The following ITK variants were observed in gnomAD, a reference collection of about 807,000 sequenced individuals.
ITK encodes the protein tyrosine-protein kinase ITK/TSK.
Under a neutral mutation model 87.6 loss-of-function variants are expected in ITK, and 45 were observed. The observed-to-expected ratio is 0.51, with a 90% CI of 0.40 to 0.66. The LOEUF (loss-of-function observed/expected upper bound fraction) is 0.66. Among genes scored for constraint, ITK ranks in the 30% least tolerant of loss-of-function variants. The pLI, the probability that ITK is intolerant of heterozygous loss-of-function variation, is 0.00. For missense variants in ITK, 605 were observed against 766.3 expected, an observed-to-expected ratio of 0.79 and a Z score of 2.48; for synonymous variants, 303 against 273.6, an observed-to-expected ratio of 1.11 and a Z score of -1.06.
chr5:157,228,447 TA>T, intron 7 of ITK, 86 bp downstream of exon 7: 1 of 804,404 alleles, frequency 1.2e-6, no homozygotes, highest in Non-Finnish European at 2.2e-6. Context: ...ACTGTAAAAA[TA>T]CCAGATGATC....
At chr5:157,245,659 C>T in intron 13 of ITK, 67 bp from the exon 14 acceptor site, 3 of 1,234,222 alleles carry the variant, frequency 2.4e-6, no homozygotes, top group Non-Finnish European at 3.6e-6. Flanking sequence ...TTATAGGAGA[C>T]TCCTTAACTA....
chr5:157,200,083 G>GA lies in ITK; in HGVS notation c.139-8805dup, dbSNP rs542877314. On this transcript the variant is annotated intron_variant, in intron 1 of 16. Transcript: ENST00000422843. ...AGAAAAAGAAAAAGAAGGAAAGAAA[G>GA]AGAGAAAGGAAAGAAGAAAGGAAAG... Among the ~76,000 whole-genome samples, 744 of 98,570 alleles carry GA rather than the reference G, an allele frequency of 7.5e-3. 12 individuals are homozygous for GA. The highest frequency in any genetic ancestry group is 0.032 in the African/African-American group (718 of 22,582). The allele number at this position is 98,570 out of a possible 152,430, so 64.7% of individuals were successfully genotyped here.
At chr5:157,216,062 T>G (rs1754292706) in intron 4 of ITK, among the ~76,000 whole-genome samples, 1 of 152,146 alleles carries the variant, frequency 6.6e-6, no homozygotes, top group Non-Finnish European at 1.5e-5. Context: ...GTGCTAATGG[T>G]TTTGCTTTTG....
rs150197870 is a variant in ITK at position 157,232,488 on chromosome 5, G to A, written c.768+94G>A. The stretch of plus-strand genomic sequence containing the variant: ...TCCCAGCGATTTGGCAGGCCAAGGT[G>A]GGAGGATCACTTGAGCCCAGGAGTT... On this transcript the variant is annotated intron_variant, in intron 8 of 16. Coordinates refer to ENST00000422843, the MANE Select transcript of ITK (RefSeq NM_005546.4). 2.3e-3 allele frequency: 1,990 copies of A among 861,622 alleles called. 22 individuals are homozygous for A. Among genetic ancestry groups the A allele is most frequent in the South Asian group, 0.015 (1,088 of 70,510 alleles). The allele number at this position is 861,622 out of a possible 1,614,324, so 53.4% of individuals were successfully genotyped here. A position where few individuals can be genotyped will look rare whatever the true frequency, so the allele number is the denominator to read the frequency against.
At chr5:157,207,255 C>T (rs1754097420) in intron 1 of ITK, among the ~76,000 whole-genome samples, 1 of 151,902 alleles carries the variant, frequency 6.6e-6, no homozygotes, top group South Asian at 2.1e-4. Context: ...CAATGGTGTC[C>T]ACCAACACTG....
At chr5:157,184,045 G>A (rs950479610) in intron 1 of ITK, among the ~76,000 whole-genome samples, 8 of 152,238 alleles carry the variant, frequency 5.3e-5, no homozygotes, top group African/African-American at 7.2e-5. Flanking sequence ...GCCAAGAAGC[G>A]CCTTCATCTT....
chr5:157,183,037 T>C lies in ITK; in HGVS notation c.138+1922T>C, dbSNP rs116560345. On this transcript the variant is annotated intron_variant, in intron 1 of 16. Transcript: ENST00000422843. ...CAGTTTCTAATTCTTCCATGTGAGA[T>C]ATAGAGAATACATGTCCAAACATCA... Among the ~76,000 whole-genome samples, 834 of 152,308 alleles carry C rather than the reference T, an allele frequency of 5.5e-3. 11 individuals are homozygous for C. Among genetic ancestry groups the C allele is most frequent in the African/African-American group, 0.019 (806 of 41,580 alleles).
intron 5 of ITK, among the ~76,000 whole-genome samples, chr5:157,222,250 CTCAA>C (rs988207782): frequency 3.1e-4 from 47 of 152,130 alleles, no homozygotes; most frequent in African/African-American, 1.0e-3. Flanking sequence ...TCTTCATGTC[CTCAA>C]TATGGACATG....
At chr5:157,217,555 GGTGCAA>G (rs1162876071) in intron 4 of ITK, among the ~76,000 whole-genome samples, 1 of 152,128 alleles carries the variant, frequency 6.6e-6, no homozygotes, top group Non-Finnish European at 1.5e-5. Flanking sequence ...TACAGGGAAG[GGTGCAA>G]GTCTAACCCC....
intron 1 of ITK, among the ~76,000 whole-genome samples, chr5:157,202,376 G>A (rs1037254605): frequency 2.6e-5 from 4 of 152,054 alleles, no homozygotes; most frequent in African/African-American, 9.7e-5. Context: ...ATCATGCCCA[G>A]CTAATTTTTA....
In ITK at chr5:157,208,886, C is replaced by T. The variant is rs746991589; in HGVS notation, c.139-3C>T. On this transcript the variant is annotated splice_region_variant and splice_polypyrimidine_tract_variant and intron_variant, in intron 1 of 16. Transcript: ENST00000422843. ...TGAATGGGATGTTCTTCTCTCCCCA[C>T]AGAAGAAGCGCACGCTGAAGGGGTC... 6 of 1,601,572 alleles carry T rather than the reference C, an allele frequency of 3.7e-6. No homozygotes were observed. The East Asian group carries it at 6.7e-5, about 18-fold the overall frequency.
At chr5:157,207,056 A>G (rs893524604) in intron 1 of ITK, among the ~76,000 whole-genome samples, 1 of 152,172 alleles carries the variant, frequency 6.6e-6, no homozygotes, top group Non-Finnish European at 1.5e-5. Flanking sequence ...AATATGCAAT[A>G]TATTTCACCT....
At chr5:157,233,630 T>C (rs1754702919) in intron 8 of ITK, among the ~76,000 whole-genome samples, 1 of 152,204 alleles carries the variant, frequency 6.6e-6, no homozygotes, top group Non-Finnish European at 1.5e-5. Flanking sequence ...AATGCAAATG[T>C]AGCCAACTCA....
intron 1 of ITK, among the ~76,000 whole-genome samples, chr5:157,196,914 G>C (rs1753864513): frequency 6.6e-6 from 1 of 152,186 alleles, no homozygotes; most frequent in Admixed American, 6.6e-5. Flanking sequence ...CAGAGATACT[G>C]ACAGAAACAA....
chr5:157,240,026 T>C (rs1385095523), intron 9 of ITK, 36 bp from the exon 10 acceptor site: 1 of 1,603,124 alleles, frequency 6.2e-7, no homozygotes, highest in Middle Eastern at 1.7e-4. Flanking sequence ...ACATTGCTTC[T>C]TAATAATCAT....
chr5:157,252,722 G>A lies in ITK; in HGVS notation c.*44G>A. ...CCACGGGCTGCAGATCCTGAATGGA[G>A]GAAGGATATGTCCTCATTCCATAGA... On this transcript the variant is annotated 3_prime_UTR_variant, in exon 17 of 17. Coordinates refer to ENST00000422843, the MANE Select transcript of ITK (RefSeq NM_005546.4). 2 of 1,379,230 alleles carry A rather than the reference G, an allele frequency of 1.5e-6. No homozygotes were observed. The highest frequency in any genetic ancestry group is 1.2e-5 in the South Asian group (1 of 86,314). 85.4% of individuals were successfully genotyped at this position (1,379,230 alleles called of 1,614,324 possible).
At chr5:157,200,755 A>G (rs936380984) in intron 1 of ITK, among the ~76,000 whole-genome samples, 3 of 152,208 alleles carry the variant, frequency 2.0e-5, no homozygotes, top group Non-Finnish European at 4.4e-5. Flanking sequence ...AGCTCATCTG[A>G]CAGCCTGTTA....
rs145244082 is a variant in ITK, at chr5:157,242,867, C to T, written c.1061-756C>T. Among the ~76,000 whole-genome samples, 451 of 152,332 alleles carry T rather than the reference C, an allele frequency of 3.0e-3. 3 individuals carry two copies. Among genetic ancestry groups the T allele is most frequent in the African/African-American group, 0.01 (427 of 41,570 alleles). ...GGGCTTCTTTATCCCTAACCAGCAC[C>T]GTGTCCGGCACACAGTAGGTGCTCA... On this transcript the variant is annotated intron_variant, in intron 11 of 16. Transcript: ENST00000422843.
intron 1 of ITK, among the ~76,000 whole-genome samples, chr5:157,187,490 A>G (rs1753667577): frequency 6.6e-6 from 1 of 152,238 alleles, no homozygotes; most frequent in South Asian, 2.1e-4. Flanking sequence ...CAATACCCAA[A>G]TAATAGAGAC....
Sources: allele counts gnomAD v4.1 joint callset (sites outside exome capture counted in the v4.1 genomes callset), GRCh38; gene constraint gnomAD v4.1.1; transcripts MANE v1.5; gene names NCBI Gene and HGNC (gene_info 2026-07-23, HGNC 2026-07-21).